Variants in ATRNL1 observed in about 807,000 individuals in gnomAD.
The protein encoded by ATRNL1 is attractin like 1.
Under a neutral mutation model 182.7 loss-of-function variants are expected in ATRNL1, and 95 were observed. That is an observed-to-expected ratio of 0.52 (90% CI 0.44 to 0.62). The LOEUF is 0.62. Among genes scored for constraint, ATRNL1 ranks in the 20% least tolerant of loss-of-function variants. The pLI is 0.00. For missense variants in ATRNL1, 1,471 were observed against 1,679.5 expected, an observed-to-expected ratio of 0.88 and a Z score of 2.17; for synonymous variants, 576 against 568.3, an observed-to-expected ratio of 1.01 and a Z score of -0.19.
intron 5 of ATRNL1, among the ~76,000 whole-genome samples, chr10:115,146,287 T>C (rs1845966921): frequency 6.6e-6 from 1 of 152,110 alleles, no homozygotes; most frequent in Admixed American, 6.5e-5. Context: ...CATCAAAAAG[T>C]CTAAAATCCT....
chr10:115,653,951 C>T (rs1860165999), intron 26 of ATRNL1, among the ~76,000 whole-genome samples: 1 of 152,110 alleles, frequency 6.6e-6, no homozygotes. Context: ...CTGGAATCAA[C>T]AATGTACCAT....
At chr10:115,143,155 G>A (rs538177263) in intron 5 of ATRNL1, among the ~76,000 whole-genome samples, 31 of 152,190 alleles carry the variant, frequency 2.0e-4, no homozygotes, top group African/African-American at 7.2e-4. Context: ...AGAGAGAATC[G>A]AACCAAAGAC....
At chr10:115,496,204 G>T (rs1281241307) in intron 24 of ATRNL1, among the ~76,000 whole-genome samples, 1 of 151,674 alleles carries the variant, frequency 6.6e-6, no homozygotes. Flanking sequence ...TTGAGCCTAT[G>T]GGTGTCATTG....
intron 27 of ATRNL1, among the ~76,000 whole-genome samples, chr10:115,732,716 C>T (rs1947835784): frequency 6.6e-6 from 1 of 152,062 alleles, no homozygotes; most frequent in African/African-American, 2.4e-5. Flanking sequence ...TCATATTGGC[C>T]TAAGGGTTTC....
intron 27 of ATRNL1, among the ~76,000 whole-genome samples, chr10:115,737,655 G>T (rs1947997261): frequency 6.6e-6 from 1 of 151,980 alleles, no homozygotes; most frequent in Non-Finnish European, 1.5e-5. Context: ...GGGAAGGGAG[G>T]TCCCCTTCAC....
At chr10:115,187,044 A>T (rs894305177) in intron 8 of ATRNL1, among the ~76,000 whole-genome samples, 1 of 152,138 alleles carries the variant, frequency 6.6e-6, no homozygotes, top group Non-Finnish European at 1.5e-5. Flanking sequence ...GGGAAATGCA[A>T]ATTAAAACTA....
At chr10:115,133,990 G>A (rs1554875909) in intron 5 of ATRNL1, among the ~76,000 whole-genome samples, 2 of 152,090 alleles carry the variant, frequency 1.3e-5, no homozygotes, top group African/African-American at 4.8e-5. Context: ...AGATGTTCTT[G>A]AAACCAATGA....
At chr10:115,367,999 TG>T (rs1305902967) in intron 19 of ATRNL1, among the ~76,000 whole-genome samples, 8 of 151,980 alleles carry the variant, frequency 5.3e-5, no homozygotes, top group Admixed American at 5.2e-4. Flanking sequence ...CCCCCAGAGG[TG>T]GAGCCTACAG....
intron 7 of ATRNL1, among the ~76,000 whole-genome samples, chr10:115,167,217 GT>G (rs58750549): frequency 0.34 from 50,340 of 149,010 alleles, 8,695 homozygotes; most frequent in African/African-American, 0.41. Flanking sequence ...GTATATGAGG[GT>G]TTTTTTTTTC....
chr10:115,162,813 G>A (rs1487589833), intron 6 of ATRNL1, among the ~76,000 whole-genome samples: 1 of 151,600 alleles, frequency 6.6e-6, no homozygotes, highest in Admixed American at 6.6e-5. Context: ...AAAACCTGGA[G>A]TACAGTATCT....
At chr10:115,582,157 GGGTT>G (rs1855142064) in intron 26 of ATRNL1, among the ~76,000 whole-genome samples, 1 of 151,906 alleles carries the variant, frequency 6.6e-6, no homozygotes, top group Non-Finnish European at 1.5e-5. Flanking sequence ...TTGGGCATTT[GGGTT>G]GGTTCCAAGT....
chr10:115,335,378 T>C (rs1196007295), intron 19 of ATRNL1, among the ~76,000 whole-genome samples: 1 of 152,170 alleles, frequency 6.6e-6, no homozygotes, highest in Admixed American at 6.5e-5. Flanking sequence ...ACTAGCTGCA[T>C]ATTAGAACCA....
chr10:115,137,126 T>C (rs1260413718), intron 5 of ATRNL1, among the ~76,000 whole-genome samples: 1 of 151,742 alleles, frequency 6.6e-6, no homozygotes, highest in Non-Finnish European at 1.5e-5. Flanking sequence ...ACCCAGGAGG[T>C]GGAGGTTGTG....
chr10:115,644,946 A>C (rs1445816595), intron 26 of ATRNL1, among the ~76,000 whole-genome samples: 1 of 152,100 alleles, frequency 6.6e-6, no homozygotes, highest in Non-Finnish European at 1.5e-5. Context: ...TTCTCGTGAA[A>C]TAGTTACATT....
intron 26 of ATRNL1, among the ~76,000 whole-genome samples, chr10:115,663,677 A>T (rs1555038823): frequency 6.6e-6 from 1 of 152,104 alleles, no homozygotes; most frequent in Non-Finnish European, 1.5e-5. Context: ...CAATGTAGTC[A>T]TATGTCATCA....
chr10:115,924,711 A>C (rs1953169526), intron 28 of ATRNL1, among the ~76,000 whole-genome samples: 1 of 152,176 alleles, frequency 6.6e-6, no homozygotes, highest in South Asian at 2.1e-4. Flanking sequence ...CTTTTTGCTT[A>C]GGATTGTCTT....
At chr10:115,143,093 T>C (rs542203808) in intron 5 of ATRNL1, among the ~76,000 whole-genome samples, 1 of 152,208 alleles carries the variant, frequency 6.6e-6, no homozygotes, top group South Asian at 2.1e-4. Flanking sequence ...AAATATTAAA[T>C]TGGAAACCAT....
intron 27 of ATRNL1, among the ~76,000 whole-genome samples, chr10:115,844,747 G>A (rs1950890598): frequency 1.3e-5 from 2 of 152,004 alleles, no homozygotes; most frequent in African/African-American, 4.8e-5. Flanking sequence ...CAACGAATAT[G>A]AAAATGCCTA....
intron 21 of ATRNL1, among the ~76,000 whole-genome samples, chr10:115,455,180 G>A (rs1271719201): frequency 6.6e-6 from 1 of 152,032 alleles, no homozygotes; most frequent in Non-Finnish European, 1.5e-5. Flanking sequence ...TGTTAATGTA[G>A]TGTATCACAT....
Sources: allele counts gnomAD v4.1 joint callset (sites outside exome capture counted in the v4.1 genomes callset), GRCh38; gene constraint gnomAD v4.1.1; transcripts MANE v1.5; gene names NCBI Gene and HGNC (gene_info 2026-07-23, HGNC 2026-07-21).